Variants in CLIC4 observed in about 807,000 individuals in gnomAD.
CLIC4 encodes the protein CLIC family member 4, also known as chloride intracellular channel protein 4.
A neutral mutation model predicts 24.6 loss-of-function variants in CLIC4; 13 were observed. The observed-to-expected ratio is 0.53, with a 90% CI of 0.34 to 0.84. CLIC4 has a LOEUF of 0.84. Among genes scored for constraint, CLIC4 ranks in the 40% least tolerant of loss-of-function variants. The pLI, the probability that CLIC4 is intolerant of heterozygous loss-of-function variation, is 0.01. For synonymous variants in CLIC4, 104 were observed against 111.3 expected, an observed-to-expected ratio of 0.93 and a Z score of 0.41; for missense variants, 227 against 301.7, an observed-to-expected ratio of 0.75 and a Z score of 1.83.
At chr1:24,836,497 G>A (rs1181792397) in intron 4 of CLIC4, among the ~76,000 whole-genome samples, 11 of 152,132 alleles carry the variant, frequency 7.2e-5, no homozygotes, top group African/African-American at 2.2e-4. Flanking sequence ...AATTGAAAAC[G>A]AGGAATGTTT....
chr1:24,818,197 A>G (rs1002181610), intron 3 of CLIC4, among the ~76,000 whole-genome samples: 5 of 152,202 alleles, frequency 3.3e-5, no homozygotes, highest in Admixed American at 6.5e-5. Context: ...AAAAAACGTA[A>G]TATCTGCAAA....
At position 24,837,213 on chromosome 1, in the gene CLIC4, A is replaced by G. The variant is rs184902254; in HGVS notation, c.416-2647A>G. Among the ~76,000 whole-genome samples, 393 of 152,284 alleles carry G rather than the reference A, an allele frequency of 2.6e-3. 1 individual carries two copies. Among genetic ancestry groups the G allele is most frequent in the Non-Finnish European group, 4.7e-3 (317 of 68,014 alleles). On this transcript the variant is annotated intron_variant, in intron 4 of 5. Transcript: ENST00000374379. ...TCAAGAAAAGTGAGAGAAGACAGCAAAAACCAATATTGGAAATAAAAAGGA... is the reference window on the plus strand; with the variant it reads ...TCAAGAAAAGTGAGAGAAGACAGCAGAAACCAATATTGGAAATAAAAAGGA...
chr1:24,819,206 G>T (rs1639701796), intron 3 of CLIC4, among the ~76,000 whole-genome samples: 2 of 151,968 alleles, frequency 1.3e-5, no homozygotes, highest in South Asian at 4.2e-4. Context: ...CCTTCTAAGA[G>T]CCTGGAGCTT....
chr1:24,835,541 C>T (rs868600510), intron 4 of CLIC4, among the ~76,000 whole-genome samples: 13 of 151,808 alleles, frequency 8.6e-5, no homozygotes, highest in Middle Eastern at 3.4e-3. Context: ...CCAGCCTGGG[C>T]GACAGAGTGT....
chr1:24,767,534 A>G (rs1235783503), intron 1 of CLIC4, among the ~76,000 whole-genome samples: 1 of 152,190 alleles, frequency 6.6e-6, no homozygotes, highest in Non-Finnish European at 1.5e-5. Flanking sequence ...AGTACAAAAA[A>G]AGTTCAAGGT....
chr1:24,753,809 A>G (rs889735283), intron 1 of CLIC4, among the ~76,000 whole-genome samples: 1 of 152,192 alleles, frequency 6.6e-6, no homozygotes, highest in Non-Finnish European at 1.5e-5. Flanking sequence ...AATGGATTGT[A>G]CAGATGGACT....
intron 2 of CLIC4, among the ~76,000 whole-genome samples, chr1:24,807,900 A>C (rs1639569883): frequency 6.6e-6 from 1 of 152,210 alleles, no homozygotes. Context: ...TGGAGTGAGA[A>C]AATTGTTTTC....
chr1:24,791,707 C>T (rs922390071), intron 1 of CLIC4, among the ~76,000 whole-genome samples: 1 of 152,068 alleles, frequency 6.6e-6, no homozygotes, highest in Non-Finnish European at 1.5e-5. Flanking sequence ...GAAACACTGT[C>T]TCTAATAAAA....
At chr1:24,755,548 G>A (rs1638836418) in intron 1 of CLIC4, among the ~76,000 whole-genome samples, 1 of 151,696 alleles carries the variant, frequency 6.6e-6, no homozygotes, top group South Asian at 2.1e-4. Context: ...GTTCAAGGCT[G>A]CAATGAGCTA....
chr1:24,782,700 A>G (rs892723297), intron 1 of CLIC4, among the ~76,000 whole-genome samples: 3 of 152,196 alleles, frequency 2.0e-5, no homozygotes, highest in African/African-American at 7.2e-5. Flanking sequence ...TACAAGCATA[A>G]GAGGTAGGAC....
intron 2 of CLIC4, among the ~76,000 whole-genome samples, chr1:24,798,443 C>T (rs1639429474): frequency 6.6e-6 from 1 of 152,100 alleles, no homozygotes; most frequent in South Asian, 2.1e-4. Flanking sequence ...GTAGGTTTCT[C>T]TCCTGGATGA....
intron 1 of CLIC4, among the ~76,000 whole-genome samples, chr1:24,755,846 A>G (rs1309602580): frequency 6.6e-6 from 1 of 151,798 alleles, no homozygotes; most frequent in Non-Finnish European, 1.5e-5. Context: ...TTTGAGATGG[A>G]GTTTTGCTCT....
chr1:24,820,507 TCCTGCCTCAG>T (rs1423857372), intron 3 of CLIC4, among the ~76,000 whole-genome samples: 2 of 151,626 alleles, frequency 1.3e-5, no homozygotes, highest in African/African-American at 2.4e-5. Context: ...CAATCAGTCC[TCCTGCCTCAG>T]CCTCCCAAAT....
rs1057363206 is a variant in CLIC4 at position 24,842,231 on chromosome 1, T to A, written c.*1294T>A. 15 of 152,172 alleles carry A rather than the reference T, an allele frequency of 9.9e-5. No homozygotes were observed. Among genetic ancestry groups the A allele is most frequent in the African/African-American group, 3.4e-4 (14 of 41,448 alleles). 9.4% of individuals were successfully genotyped at this position (152,172 alleles called of 1,614,324 possible). Reference sequence around the variant, plus strand: ...TTGTTTTGTTTTTCGGGGTTTTTTTTAATTGAAGCCCTAAACCAGGAATTA... The same window carrying A: ...TTGTTTTGTTTTTCGGGGTTTTTTTAAATTGAAGCCCTAAACCAGGAATTA... On this transcript the variant is annotated 3_prime_UTR_variant, in exon 6 of 6. Transcript: ENST00000374379.
At position 24,798,668 on chromosome 1, in the gene CLIC4, G is replaced by C. The variant is rs185051461; in HGVS notation, c.182+817G>C. 2.8e-3 allele frequency among the ~76,000 whole-genome samples: 426 copies of C among 151,380 alleles called. 7 individuals are homozygous for C. Among genetic ancestry groups the C allele is most frequent in the Admixed American group, 0.023 (346 of 15,264 alleles). On this transcript the variant is annotated intron_variant, in intron 2 of 5. Transcript: ENST00000374379. ...CCCCACGGTGTCCCTCTCTTTCCAC[G>C]GTCTCCCTCTCTTTCCACGGTCTCC... is the stretch of plus-strand genomic sequence containing the variant.
At chr1:24,749,397 A>G (rs1385850820) in intron 1 of CLIC4, among the ~76,000 whole-genome samples, 1 of 152,108 alleles carries the variant, frequency 6.6e-6, no homozygotes, top group Non-Finnish European at 1.5e-5. Context: ...GCGCTAGGGG[A>G]AAGGCCAAGA....
intron 1 of CLIC4, among the ~76,000 whole-genome samples, chr1:24,753,649 T>C (rs1466180824): frequency 6.6e-6 from 1 of 152,230 alleles, no homozygotes; most frequent in Non-Finnish European, 1.5e-5. Context: ...AGACAAGTTA[T>C]TTAAAAGTTG....
In CLIC4 at chr1:24,842,725, A is replaced by G. The variant is rs1412446742; in HGVS notation, c.*1788A>G. ...TTTTTTTTTGGTAATTAAATATTGT[A>G]TGATTTATCTGGTTCAAGGAAGATG... On this transcript the variant is annotated 3_prime_UTR_variant, in exon 6 of 6. Transcript: ENST00000374379. 1 of 152,008 alleles carries G rather than the reference A, an allele frequency of 6.6e-6. No homozygotes were observed. The highest frequency in any genetic ancestry group is 6.6e-5 in the Admixed American group (1 of 15,240). 9.4% of individuals were successfully genotyped at this position (152,008 alleles called of 1,614,324 possible).
intron 3 of CLIC4, among the ~76,000 whole-genome samples, chr1:24,818,192 A>C (rs1639689904): frequency 6.6e-6 from 1 of 152,208 alleles, no homozygotes; most frequent in South Asian, 2.1e-4. Context: ...TTTGTAAAAA[A>C]CGTAATATCT....
Sources: allele counts gnomAD v4.1 joint callset (sites outside exome capture counted in the v4.1 genomes callset), GRCh38; gene constraint gnomAD v4.1.1; transcripts MANE v1.5; gene names NCBI Gene and HGNC (gene_info 2026-07-23, HGNC 2026-07-21).